OTUD7A: variants seen among roughly 807,000 people sequenced by gnomAD.
The protein encoded by OTUD7A is OTU deubiquitinase 7A.
In OTUD7A, 12 loss-of-function variants were observed where a neutral mutation model predicts 65.7. The ratio of observed to expected loss-of-function variants is 0.18; its 90% CI spans 0.12 to 0.30. OTUD7A has a LOEUF of 0.30. Among genes scored for constraint, OTUD7A ranks in the 10% least tolerant of loss-of-function variants. The probability of loss-of-function intolerance (pLI) is 1.00; values close to 1 mark genes in which losing one functional copy is unlikely to be tolerated. For missense variants in OTUD7A, 1,148 were observed against 1,304.8 expected (o/e 0.88, Z 1.85); for synonymous variants, 641 against 586.3 (o/e 1.09, Z -1.35).
At chr15:31,651,815 A>G (rs920395392) in intron 3 of OTUD7A, among the ~76,000 whole-genome samples, 1 of 152,122 alleles carries the variant, frequency 6.6e-6, no homozygotes, top group African/African-American at 2.4e-5. Flanking sequence ...CATGCCAAAA[A>G]CCATAAAATG....
At chr15:31,612,190 A>G (rs1247744397) in intron 3 of OTUD7A, among the ~76,000 whole-genome samples, 2 of 152,218 alleles carry the variant, frequency 1.3e-5, no homozygotes, top group African/African-American at 4.8e-5. Context: ...CAGCCAACAT[A>G]ATACTGAATG....
At chr15:31,633,955 G>C (rs1359967606) in intron 3 of OTUD7A, among the ~76,000 whole-genome samples, 2 of 152,178 alleles carry the variant, frequency 1.3e-5, no homozygotes, top group Non-Finnish European at 2.9e-5. Context: ...GGCCTCCTCT[G>C]TGTCTCACTC....
intron 1 of OTUD7A, among the ~76,000 whole-genome samples, chr15:31,838,498 T>C (rs1242507120): frequency 2.0e-5 from 3 of 152,076 alleles, no homozygotes; most frequent in Non-Finnish European, 4.4e-5. Flanking sequence ...TCTCTTCCCA[T>C]CTGCACCCAC....
At chr15:31,605,786 C>A (rs935705328) in intron 3 of OTUD7A, among the ~76,000 whole-genome samples, 1 of 152,212 alleles carries the variant, frequency 6.6e-6, no homozygotes, top group Non-Finnish European at 1.5e-5. Flanking sequence ...GTGCTGCATG[C>A]AAAAGCTGGC....
intron 3 of OTUD7A, among the ~76,000 whole-genome samples, chr15:31,646,060 A>AT (rs1387868662): frequency 2.0e-5 from 3 of 152,186 alleles, no homozygotes; most frequent in African/African-American, 7.2e-5. Context: ...CGCACAGCCA[A>AT]TTTTTTATCT....
intron 5 of OTUD7A, chr15:31,558,608 C>A: frequency 3.7e-6 from 1 of 271,576 alleles, no homozygotes; most frequent in Admixed American, 4.7e-5. Context: ...CTCCCGTTTT[C>A]TCTAAAGCCC....
intron 3 of OTUD7A, among the ~76,000 whole-genome samples, chr15:31,583,508 C>T (rs1461622389): frequency 7.2e-5 from 11 of 151,966 alleles, no homozygotes; most frequent in Non-Finnish European, 5.9e-5. Flanking sequence ...CAGTGGGAGA[C>T]AATTGAATCA....
chr15:31,735,412 C>T (rs558572260), intron 1 of OTUD7A, among the ~76,000 whole-genome samples: 5 of 151,952 alleles, frequency 3.3e-5, no homozygotes, highest in African/African-American at 1.2e-4. Flanking sequence ...CCTGTAATCC[C>T]AGCTACTCGG....
chr15:31,846,484 G>C lies in OTUD7A; in HGVS notation c.-100+24023C>G, dbSNP rs1421508201. On this transcript the variant is annotated intron_variant, in intron 1 of 12. Transcript: ENST00000307050. ...AGAACCCTAAAGAACAGGAAAAAGGGGAGAACTCTGACAATGGAATAAGAA... is the reference window on the plus strand; with the variant it reads ...AGAACCCTAAAGAACAGGAAAAAGGCGAGAACTCTGACAATGGAATAAGAA... Among the ~76,000 whole-genome samples, 10 of 152,230 alleles carry C rather than the reference G, an allele frequency of 6.6e-5. No individual in the cohort carries two copies. The South Asian group carries it at 1.2e-3, about 19-fold the overall frequency.
intron 1 of OTUD7A, among the ~76,000 whole-genome samples, chr15:31,779,427 C>G (rs1895477398): frequency 6.6e-6 from 1 of 152,252 alleles, no homozygotes; most frequent in Non-Finnish European, 1.5e-5. Flanking sequence ...GTTTCTCACA[C>G]TGCCAACCTG....
At chr15:31,545,843 C>A (rs1427330031) in intron 5 of OTUD7A, among the ~76,000 whole-genome samples, 2 of 152,152 alleles carry the variant, frequency 1.3e-5, no homozygotes, top group African/African-American at 4.8e-5. Flanking sequence ...ATATGTAAAT[C>A]CTATGATCCA....
chr15:31,693,315 G>C (rs1311570719), intron 1 of OTUD7A, among the ~76,000 whole-genome samples: 1 of 152,214 alleles, frequency 6.6e-6, no homozygotes, highest in Non-Finnish European at 1.5e-5. Context: ...AGATCTGGAA[G>C]GCTGAAGTGC....
At chr15:31,766,672 G>A in intron 1 of OTUD7A, 1 of 1,602,644 alleles carries the variant, frequency 6.2e-7, no homozygotes, top group Non-Finnish European at 8.5e-7. Flanking sequence ...AAGCTGTTCT[G>A]ACTTGCATTT....
At chr15:31,593,603 C>T (rs1276529727) in intron 3 of OTUD7A, among the ~76,000 whole-genome samples, 2 of 152,058 alleles carry the variant, frequency 1.3e-5, no homozygotes, top group African/African-American at 4.8e-5. Context: ...AGCCTAGGGG[C>T]CAGGACATGG....
intron 3 of OTUD7A, among the ~76,000 whole-genome samples, chr15:31,648,058 G>A (rs989977626): frequency 4.7e-4 from 72 of 152,246 alleles, no homozygotes; most frequent in Admixed American, 3.8e-3. Context: ...TAATGGGGAC[G>A]GAGTATGAAA....
At chr15:31,727,884 T>G (rs1001509315) in intron 1 of OTUD7A, among the ~76,000 whole-genome samples, 2 of 152,310 alleles carry the variant, frequency 1.3e-5, no homozygotes, top group South Asian at 2.1e-4. Flanking sequence ...CTATCTGACA[T>G]GTAAATGACA....
At chr15:31,621,312 T>G (rs1327082604) in intron 3 of OTUD7A, among the ~76,000 whole-genome samples, 3 of 152,194 alleles carry the variant, frequency 2.0e-5, no homozygotes, top group Admixed American at 6.5e-5. Context: ...GTTCAATTCC[T>G]GGATATCCTA....
At chr15:31,765,425 T>TTA (rs1555415011) in intron 1 of OTUD7A, among the ~76,000 whole-genome samples, 2 of 152,006 alleles carry the variant, frequency 1.3e-5, no homozygotes, top group African/African-American at 4.8e-5. Context: ...AAATTTTTTT[T>TTA]AAAAAACAGA....
intron 1 of OTUD7A, among the ~76,000 whole-genome samples, chr15:31,762,050 G>A (rs991268427): frequency 2.0e-5 from 3 of 152,206 alleles, no homozygotes; most frequent in Admixed American, 1.3e-4. Context: ...GTAATGAAGT[G>A]TTCCAAAATT....
Sources: gnomAD v4.1 joint callset for allele counts (sites outside exome capture counted in the v4.1 genomes callset) on GRCh38, gnomAD v4.1.1 for gene constraint, MANE v1.5 for transcripts, NCBI Gene and HGNC (gene_info 2026-07-23, HGNC 2026-07-21) for gene names.